The following FILIP1 variants were observed in gnomAD, a reference collection of about 807,000 sequenced individuals.
FILIP1 encodes filamin A interacting protein 1.
In FILIP1, 61 loss-of-function variants were observed where a neutral mutation model predicts 102.1. That is an observed-to-expected ratio of 0.60 (90% CI 0.49 to 0.74). The LOEUF is 0.74. Among genes scored for constraint, FILIP1 ranks in the 30% least tolerant of loss-of-function variants. The probability of loss-of-function intolerance (pLI) is 0.00; values close to 1 mark genes in which losing one functional copy is unlikely to be tolerated. For missense variants in FILIP1, 1,314 were observed against 1,441.2 expected (o/e 0.91, Z 1.43); for synonymous variants, 491 against 526.9 (o/e 0.93, Z 0.93).
intron 3 of FILIP1, 137 bp from the exon 4 acceptor site, chr6:75,353,854 C>T: frequency 2.5e-6 from 2 of 796,386 alleles, no homozygotes; most frequent in East Asian, 2.7e-5. Context: ...ACCATTTCCC[C>T]CATTGTATCA....
At chr6:75,426,295 G>C (rs1477655345) in intron 1 of FILIP1, among the ~76,000 whole-genome samples, 1 of 152,118 alleles carries the variant, frequency 6.6e-6, no homozygotes, top group Admixed American at 6.6e-5. Flanking sequence ...TAAACCAAAA[G>C]AGGACATGAA....
intron 1 of FILIP1, among the ~76,000 whole-genome samples, chr6:75,447,890 C>A (rs1416257617): frequency 2.0e-5 from 3 of 151,770 alleles, no homozygotes; most frequent in Admixed American, 6.6e-5. Context: ...AAGATTGAGC[C>A]CTTGAAGAAA....
intron 2 of FILIP1, among the ~76,000 whole-genome samples, chr6:75,412,491 T>C (rs1016711978): frequency 2.0e-5 from 3 of 152,206 alleles, no homozygotes; most frequent in Non-Finnish European, 4.4e-5. Flanking sequence ...CCTTGTCTTG[T>C]GCCGGTTTTC....
intron 4 of FILIP1, among the ~76,000 whole-genome samples, chr6:75,333,645 G>A (rs141777865): frequency 6.5e-4 from 99 of 152,140 alleles, no homozygotes; most frequent in African/African-American, 2.3e-3. Context: ...CATACCATCT[G>A]CCCCCATTTC....
intron 1 of FILIP1, among the ~76,000 whole-genome samples, chr6:75,462,378 C>G (rs2951917): frequency 0.7 from 106,153 of 151,900 alleles, 38,037 homozygotes; most frequent in African/African-American, 0.86. Flanking sequence ...AGAATTGCAG[C>G]GGAGAGGCTG....
intron 6 of FILIP1, among the ~76,000 whole-genome samples, chr6:75,297,591 T>C (rs1489331324): frequency 6.6e-6 from 1 of 152,052 alleles, no homozygotes; most frequent in Non-Finnish European, 1.5e-5. Flanking sequence ...ATTGAAAAAA[T>C]ATTCCAGCTT....
chr6:75,467,206 C>CT (rs1779194512), intron 1 of FILIP1, among the ~76,000 whole-genome samples: 4 of 152,218 alleles, frequency 2.6e-5, no homozygotes, highest in African/African-American at 9.6e-5. Context: ...ATTTCTTTTA[C>CT]TTTTTTTACT....
intron 1 of FILIP1, among the ~76,000 whole-genome samples, chr6:75,422,370 A>G (rs1411476745): frequency 1.3e-5 from 2 of 152,076 alleles, no homozygotes; most frequent in Non-Finnish European, 2.9e-5. Flanking sequence ...CTTGATTACT[A>G]TAATTTTTTT....
chr6:75,471,159 CAAAAAAAAAAAA>C (rs67671264), intron 1 of FILIP1, among the ~76,000 whole-genome samples: 4 of 72,272 alleles, frequency 5.5e-5, no homozygotes, highest in South Asian at 5.3e-4. Flanking sequence ...GACCTTGTCT[CAAAAAAAAAAAA>C]AAAAAAAAAA....
chr6:75,338,550 G>C (rs1482031875), intron 4 of FILIP1, among the ~76,000 whole-genome samples: 1 of 152,004 alleles, frequency 6.6e-6, no homozygotes, highest in Non-Finnish European at 1.5e-5. Flanking sequence ...TTCCACTCTA[G>C]AAAAAAAGTA....
chr6:75,386,851 T>C (rs1370750415), intron 2 of FILIP1, among the ~76,000 whole-genome samples: 1 of 152,188 alleles, frequency 6.6e-6, no homozygotes. Flanking sequence ...CCATCTTTTC[T>C]TTTTTATTAT....
At chr6:75,467,213 T>A (rs1458608948) in intron 1 of FILIP1, among the ~76,000 whole-genome samples, 1 of 152,224 alleles carries the variant, frequency 6.6e-6, no homozygotes, top group East Asian at 1.9e-4. Context: ...TTACTTTTTT[T>A]ACTTTATTTT....
intron 1 of FILIP1, among the ~76,000 whole-genome samples, chr6:75,441,334 G>T (rs1179698923): frequency 1.3e-5 from 2 of 152,176 alleles, no homozygotes; most frequent in Non-Finnish European, 2.9e-5. Context: ...CAAGGCAAAA[G>T]AATTTTTCTT....
intron 2 of FILIP1, among the ~76,000 whole-genome samples, chr6:75,379,494 C>A (rs1035280600): frequency 6.6e-6 from 1 of 152,130 alleles, no homozygotes; most frequent in African/African-American, 2.4e-5. Flanking sequence ...AATGGTCAAA[C>A]CAAGGCAGAC....
intron 5 of FILIP1, among the ~76,000 whole-genome samples, chr6:75,311,298 T>C (rs1011950852): frequency 6.6e-6 from 1 of 151,060 alleles, no homozygotes; most frequent in Non-Finnish European, 1.5e-5. Flanking sequence ...TTCCTGTGCC[T>C]CAGCCTCCAG....
At chr6:75,374,294 C>T (rs1339291783) in intron 2 of FILIP1, among the ~76,000 whole-genome samples, 1 of 152,168 alleles carries the variant, frequency 6.6e-6, no homozygotes, top group East Asian at 1.9e-4. Context: ...CTGATAAAGA[C>T]CTTAGGCAGA....
intron 2 of FILIP1, among the ~76,000 whole-genome samples, chr6:75,374,756 T>C (rs1301532908): frequency 6.6e-6 from 1 of 152,166 alleles, no homozygotes; most frequent in African/African-American, 2.4e-5. Context: ...CTCACAGTGG[T>C]TGTTTATCCA....
chr6:75,408,823 G>T (rs1340879456), intron 2 of FILIP1, among the ~76,000 whole-genome samples: 1 of 152,024 alleles, frequency 6.6e-6, no homozygotes, highest in Non-Finnish European at 1.5e-5. Flanking sequence ...TTTCTAGCTG[G>T]AGATGTGATC....
Position 75,293,623 on chromosome 6 carries a change from G to A in FILIP1, c.*2287C>T, listed in dbSNP as rs1772595254. ...AGTTCCAAATTCATTATAAATCTGG[G>A]GAAAAAAAATCTTCAAATCCAAATA... On this transcript the variant is annotated 3_prime_UTR_variant, in exon 7 of 7. Coordinates refer to the FILIP1 transcript ENST00000393004. 2.0e-5 allele frequency: 3 copies of A among 151,086 alleles called. No individual in the cohort carries two copies. In the South Asian group the frequency reaches 6.3e-4, roughly 32 times the overall value. 9.4% of individuals were successfully genotyped at this position (151,086 alleles called of 1,614,324 possible).
Sources: gnomAD v4.1 joint callset for allele counts (sites outside exome capture counted in the v4.1 genomes callset) on GRCh38, gnomAD v4.1.1 for gene constraint, MANE v1.5 for transcripts, NCBI Gene and HGNC (gene_info 2026-07-23, HGNC 2026-07-21) for gene names.